Variants in MGAT4C observed in about 807,000 individuals in gnomAD.
MGAT4C encodes the protein MGAT4 family member C.
MGAT4C carries 19 observed loss-of-function variants against 40.1 expected under a neutral mutation model. That is an observed-to-expected ratio of 0.47 (90% CI 0.33 to 0.70). The LOEUF is 0.70. Among genes scored for constraint, MGAT4C ranks in the 30% least tolerant of loss-of-function variants. MGAT4C has a pLI of 0.02. For synonymous variants in MGAT4C, 181 were observed against 187.1 expected (o/e 0.97, Z 0.27); for missense variants, 491 against 563.2 (o/e 0.87, Z 1.30).
intron 3 of MGAT4C, among the ~76,000 whole-genome samples, chr12:86,431,872 C>A (rs117388239): frequency 2.0e-5 from 3 of 151,984 alleles, no homozygotes; most frequent in Non-Finnish European, 4.4e-5. Flanking sequence ...TATTGATACA[C>A]GCTATAGGGT....
intron 1 of MGAT4C, among the ~76,000 whole-genome samples, chr12:86,740,077 A>G (rs1308765725): frequency 6.6e-6 from 1 of 151,080 alleles, no homozygotes; most frequent in Non-Finnish European, 1.5e-5. Context: ...TTACAAAGAT[A>G]CTTGAAGCAA....
chr12:86,133,832 A>C (rs1338416723), intron 1 of MGAT4C, among the ~76,000 whole-genome samples: 1 of 152,124 alleles, frequency 6.6e-6, no homozygotes, highest in African/African-American at 2.4e-5. Flanking sequence ...TTTGGATGAC[A>C]CATATTCAAT....
At chr12:86,322,817 G>A (rs1055760353) in intron 4 of MGAT4C, among the ~76,000 whole-genome samples, 17 of 152,170 alleles carry the variant, frequency 1.1e-4, no homozygotes, top group African/African-American at 3.8e-4. Context: ...ATACTAGCAT[G>A]AGACAAGGTA....
chr12:86,199,398 T>C (rs1949952105), intron 1 of MGAT4C, among the ~76,000 whole-genome samples: 2 of 152,096 alleles, frequency 1.3e-5, no homozygotes, highest in Admixed American at 1.3e-4. Flanking sequence ...TAGAATTTTG[T>C]TCTAAATAAG....
chr12:86,601,241 AC>A (rs1400312746), intron 2 of MGAT4C: 1 of 152,138 alleles, frequency 6.6e-6, no homozygotes, highest in Non-Finnish European at 1.5e-5. Context: ...GCAGGTCCTG[AC>A]CTTCAGGCCT....
intron 2 of MGAT4C, among the ~76,000 whole-genome samples, chr12:86,038,996 A>G (rs1449326616): frequency 6.7e-6 from 1 of 149,598 alleles, no homozygotes; most frequent in Non-Finnish European, 1.5e-5. Flanking sequence ...TATGAAGCTT[A>G]GTTTGGGAGG....
intron 2 of MGAT4C, among the ~76,000 whole-genome samples, chr12:86,631,703 T>C (rs933567535): frequency 3.3e-5 from 5 of 152,054 alleles, no homozygotes; most frequent in Non-Finnish European, 5.9e-5. Context: ...GCTAGCCATA[T>C]GTAGAAAGCT....
rs552401277 is a variant in MGAT4C, at chr12:86,189,860, A to G, written c.-57+66379T>C. Among the ~76,000 whole-genome samples the G allele has an allele frequency of 8.5e-5, 13 of 152,192 alleles. No individual in the cohort carries two copies. The South Asian group carries it at 2.5e-3, about 29-fold the overall frequency. On this transcript the variant is annotated intron_variant, in intron 1 of 4. Coordinates refer to ENST00000611864, the MANE Select transcript of MGAT4C (RefSeq NM_001351288.2). ...TTATTTGTGGTTTCAGATAGAAAATACATTCAGGCAGCAAATCATGTTCCT... is the reference window on the plus strand; with the variant it reads ...TTATTTGTGGTTTCAGATAGAAAATGCATTCAGGCAGCAAATCATGTTCCT...
intron 1 of MGAT4C, among the ~76,000 whole-genome samples, chr12:86,200,127 G>GTTTTTGT (rs1949987690): frequency 9.8e-6 from 1 of 102,356 alleles, no homozygotes; most frequent in African/African-American, 4.8e-5. Context: ...GTATGTATTT[G>GTTTTTGT]TTTTTTTTTT....
At chr12:86,406,528 A>C (rs1233802747) in intron 3 of MGAT4C, among the ~76,000 whole-genome samples, 1 of 152,078 alleles carries the variant, frequency 6.6e-6, no homozygotes, top group African/African-American at 2.4e-5. Context: ...TGCAAATTAA[A>C]TCACTACATA....
intron 3 of MGAT4C, among the ~76,000 whole-genome samples, chr12:86,361,282 T>C (rs893582797): frequency 6.6e-6 from 1 of 152,182 alleles, no homozygotes; most frequent in Non-Finnish European, 1.5e-5. Flanking sequence ...TGGCTAGCCA[T>C]ACGTAGAAAG....
chr12:86,598,446 A>G (rs1039735298), intron 2 of MGAT4C, among the ~76,000 whole-genome samples: 2 of 152,148 alleles, frequency 1.3e-5, no homozygotes, highest in Admixed American at 6.5e-5. Context: ...AGCAGAGTAT[A>G]GAAACAAATA....
chr12:86,597,393 AG>A (rs1272990411), intron 2 of MGAT4C, among the ~76,000 whole-genome samples: 1 of 152,198 alleles, frequency 6.6e-6, no homozygotes, highest in Non-Finnish European at 1.5e-5. Context: ...TCAGGGAAAA[AG>A]GAAGAGGGAG....
intron 3 of MGAT4C, among the ~76,000 whole-genome samples, chr12:86,384,476 C>A (rs1183627557): frequency 1.3e-5 from 2 of 152,094 alleles, no homozygotes; most frequent in South Asian, 4.2e-4. Flanking sequence ...GGATTATGAT[C>A]CCAGCCCCAG....
chr12:86,540,736 C>CAAAAAGAG (rs534305789), intron 2 of MGAT4C, among the ~76,000 whole-genome samples: 2 of 149,136 alleles, frequency 1.3e-5, no homozygotes, highest in African/African-American at 2.4e-5. Context: ...ACTCCATCTC[C>CAAAAAGAG]AGAAAGAGAG....
At chr12:86,299,502 C>T (rs1953761226) in intron 4 of MGAT4C, among the ~76,000 whole-genome samples, 1 of 151,996 alleles carries the variant, frequency 6.6e-6, no homozygotes, top group East Asian at 1.9e-4. Context: ...ATGAAGAGAG[C>T]TTGTTTGTCC....
chr12:86,546,502 A>C (rs1036965168), intron 2 of MGAT4C, among the ~76,000 whole-genome samples: 1 of 152,002 alleles, frequency 6.6e-6, no homozygotes, highest in Non-Finnish European at 1.5e-5. Flanking sequence ...AAATGAAACC[A>C]TATGTCTCCA....
intron 2 of MGAT4C, among the ~76,000 whole-genome samples, chr12:86,481,229 C>T (rs557112433): frequency 1.1e-3 from 174 of 152,100 alleles, no homozygotes; most frequent in African/African-American, 4.1e-3. Flanking sequence ...AAATGTACAG[C>T]TTTCTTTTAT....
chr12:86,244,553 G>A (rs1280271496), intron 1 of MGAT4C, among the ~76,000 whole-genome samples: 1 of 152,164 alleles, frequency 6.6e-6, no homozygotes, highest in African/African-American at 2.4e-5. Flanking sequence ...AGCATTTAAT[G>A]AGCTTCTACT....
Sources: allele counts gnomAD v4.1 joint callset (sites outside exome capture counted in the v4.1 genomes callset), GRCh38; gene constraint gnomAD v4.1.1; transcripts MANE v1.5; gene names NCBI Gene and HGNC (gene_info 2026-07-23, HGNC 2026-07-21).